CPLX1: variants seen among roughly 807,000 people sequenced by gnomAD.
The protein encoded by CPLX1 is complexin-1.
CPLX1 carries 6 observed loss-of-function variants against 15.6 expected under a neutral mutation model. That is an observed-to-expected ratio of 0.39 (90% confidence interval 0.21 to 0.76). The LOEUF (loss-of-function observed/expected upper bound fraction) is 0.76. Among genes scored for constraint, CPLX1 ranks in the 30% least tolerant of loss-of-function variants. The probability of loss-of-function intolerance (pLI) is 0.43; values close to 1 mark genes in which losing one functional copy is unlikely to be tolerated. For missense variants in CPLX1, 242 were observed against 188.6 expected, an observed-to-expected ratio of 1.28 and a Z score of -1.66; for synonymous variants, 91 against 75.2, an observed-to-expected ratio of 1.21 and a Z score of -1.08.
chr4:800,057 C>T (rs913772972), intron 2 of CPLX1, among the ~76,000 whole-genome samples: 1 of 152,040 alleles, frequency 6.6e-6, no homozygotes, highest in African/African-American at 2.4e-5. Context: ...ACTGAGCCCT[C>T]AACGTGGGGT....
intron 2 of CPLX1, among the ~76,000 whole-genome samples, chr4:805,466 A>G (rs918284697): frequency 6.6e-5 from 10 of 152,346 alleles, no homozygotes; most frequent in South Asian, 2.1e-4. Flanking sequence ...AGTGTTGGCA[A>G]CAATGTGAAG....
intron 2 of CPLX1, among the ~76,000 whole-genome samples, chr4:820,217 G>A (rs1026255075): frequency 2.0e-5 from 3 of 151,076 alleles, no homozygotes; most frequent in African/African-American, 4.9e-5. Context: ...AGCCCAGCCT[G>A]CAGCTCCACC....
At chr4:800,583 T>C (rs1047991309) in intron 2 of CPLX1, among the ~76,000 whole-genome samples, 1 of 140,938 alleles carries the variant, frequency 7.1e-6, no homozygotes, top group Non-Finnish European at 1.5e-5. Flanking sequence ...TGTGTGTATA[T>C]ATATGTATAT....
In CPLX1 at chr4:818,753, C is replaced by T. The variant is rs922029277; in HGVS notation, c.31+5739G>A. On this transcript the variant is annotated intron_variant, in intron 2 of 3. Transcript: ENST00000304062. The stretch of plus-strand genomic sequence containing the variant: ...GGGTCACTTATTGGCACGTCCACCT[C>T]GCCTGTCTCCACGCATCCTCTCCTG... Among the ~76,000 whole-genome samples the T allele has an allele frequency of 2.0e-5, 3 of 152,260 alleles. No individual in the cohort carries two copies. In the South Asian group the frequency reaches 6.2e-4, roughly 31 times the overall value.
Position 793,492 on chromosome 4 carries a change from G to A in CPLX1, c.32-884C>T, listed in dbSNP as rs966839164. ...CCACAGGACAGATATGCATAATTAC[G>A]GGCTCTGAATACAGCAGGCACTGCG... On this transcript the variant is annotated intron_variant, in intron 2 of 3. Coordinates refer to ENST00000304062, the MANE Select transcript of CPLX1 (RefSeq NM_006651.4). Among the ~76,000 whole-genome samples, 21 of 152,166 alleles carry A rather than the reference G, an allele frequency of 1.4e-4. 1 individual carries two copies. Among genetic ancestry groups the A allele is most frequent in the South Asian group, 6.2e-4 (3 of 4,826 alleles).
chr4:792,369 G>A, intron 3 of CPLX1, 64 bp downstream of exon 3: 2 of 1,402,080 alleles, frequency 1.4e-6, no homozygotes, highest in African/African-American at 1.5e-5. Flanking sequence ...CCACCCAGGC[G>A]GGATCTGGGT....
chr4:787,189 A>G, intron 3 of CPLX1: 8 of 985,272 alleles, frequency 8.1e-6, no homozygotes, highest in Non-Finnish European at 9.6e-6. Flanking sequence ...CCGCGGCCCC[A>G]GCAGGGCCAC....
chr4:793,651 G>C (rs1229911359), intron 2 of CPLX1, among the ~76,000 whole-genome samples: 1 of 152,164 alleles, frequency 6.6e-6, no homozygotes, highest in Non-Finnish European at 1.5e-5. Flanking sequence ...CAGCGTTGCA[G>C]GGGTGCTCCT....
At chr4:804,630 C>T in intron 2 of CPLX1, 1 of 565,988 alleles carries the variant, frequency 1.8e-6, no homozygotes, top group Non-Finnish European at 2.2e-6. Context: ...TAATCCGGAT[C>T]GCACCTTCAG....
chr4:793,461 C>G (rs897805781), intron 2 of CPLX1, among the ~76,000 whole-genome samples: 3 of 152,226 alleles, frequency 2.0e-5, no homozygotes, highest in Admixed American at 6.5e-5. Context: ...AGCTCTGCAA[C>G]TCAGCCCACA....
At chr4:796,628 A>G (rs1016456509) in intron 2 of CPLX1, among the ~76,000 whole-genome samples, 1 of 152,244 alleles carries the variant, frequency 6.6e-6, no homozygotes, top group African/African-American at 2.4e-5. Flanking sequence ...AACTTGAAAT[A>G]AAACTACGGG....
At chr4:812,452 A>T (rs1746681373) in intron 2 of CPLX1, among the ~76,000 whole-genome samples, 1 of 152,102 alleles carries the variant, frequency 6.6e-6, no homozygotes, top group South Asian at 2.1e-4. Flanking sequence ...CAATCTGACA[A>T]TTCTGCTTTT....
chr4:805,360 T>G (rs1464909872), intron 2 of CPLX1, among the ~76,000 whole-genome samples: 1 of 152,190 alleles, frequency 6.6e-6, no homozygotes, highest in Non-Finnish European at 1.5e-5. Context: ...GAAGCTCTCA[T>G]GGAATGCTTA....
intron 2 of CPLX1, among the ~76,000 whole-genome samples, chr4:801,484 G>A (rs954481394): frequency 6.6e-6 from 1 of 152,216 alleles, no homozygotes; most frequent in Non-Finnish European, 1.5e-5. Flanking sequence ...AAAGCAACAT[G>A]ATGTCGCAGC....
chr4:803,463 T>A (rs1343814021), intron 2 of CPLX1, among the ~76,000 whole-genome samples: 1 of 151,992 alleles, frequency 6.6e-6, no homozygotes, highest in African/African-American at 2.4e-5. Flanking sequence ...CCATCTCGGG[T>A]CACTGCAAGC....
intron 2 of CPLX1, among the ~76,000 whole-genome samples, chr4:820,129 C>G (rs574248218): frequency 9.3e-4 from 142 of 152,122 alleles, no homozygotes; most frequent in Non-Finnish European, 1.7e-3. Flanking sequence ...TCCAGCTCAG[C>G]CCAGCCTGCA....
At chr4:787,043 G>A (rs1470352697) in intron 3 of CPLX1, 9 of 985,298 alleles carry the variant, frequency 9.1e-6, no homozygotes, top group Non-Finnish European at 9.6e-6. Flanking sequence ...CCGGCCCGGG[G>A]CAGGGAGGGG....
intron 2 of CPLX1, 59 bp from the exon 3 acceptor site, chr4:792,667 G>T: frequency 1.3e-6 from 2 of 1,537,832 alleles, no homozygotes; most frequent in Admixed American, 1.8e-5. Context: ...CCGGGCTAGT[G>T]TCTCAGCCAC....
Position 792,595 on chromosome 4 carries a change from G to A in CPLX1, c.45C>T (p.Asp15=), listed in dbSNP as rs199531432. ...CGTCACCCCCCAGCATCTTCCCCAT[G>A]TCCTTGGTGGCCCCTGGTACAGAAG... ...MKQALGGATK[D]MGKMLGGDEE... The change falls in exon 3 of 4, where the codon GAC becomes GAT. Residue 15 remains aspartate, a synonymous_variant. Transcript: ENST00000304062. 2.3e-4 allele frequency: 363 copies of A among 1,611,988 alleles called. No individual in the cohort carries two copies. The highest frequency in any genetic ancestry group is 4.4e-4 in the South Asian group (40 of 90,926).
Sources: gnomAD v4.1 joint callset for allele counts (sites outside exome capture counted in the v4.1 genomes callset) on GRCh38, gnomAD v4.1.1 for gene constraint, MANE v1.5 for transcripts, NCBI Gene and HGNC (gene_info 2026-07-23, HGNC 2026-07-21) for gene names.